The following HDGFL3 variants were observed in gnomAD, a reference collection of about 807,000 sequenced individuals.
The protein encoded by HDGFL3 is HDGF like 3, also known as hepatoma-derived growth factor-related protein 3.
HDGFL3 carries 6 observed loss-of-function variants against 27.6 expected under a neutral mutation model. The observed-to-expected ratio is 0.22, with a 90% CI of 0.12 to 0.43. The LOEUF is 0.43. Among genes scored for constraint, HDGFL3 ranks in the 20% least tolerant of loss-of-function variants. The pLI is 1.00. For synonymous variants in HDGFL3, 88 were observed against 88.9 expected, an observed-to-expected ratio of 0.99 and a Z score of 0.05; for missense variants, 207 against 250.1, an observed-to-expected ratio of 0.83 and a Z score of 1.16.
chr15:83,186,097 C>G (rs2037438032), intron 1 of HDGFL3: 1 of 152,226 alleles, frequency 6.6e-6, no homozygotes, highest in East Asian at 1.9e-4. Context: ...TGGATCTACT[C>G]TCTAGACAAG....
chr15:83,112,829 T>A, exon 4 of HDGFL3: 1 of 1,614,152 alleles, frequency 6.2e-7, no homozygotes, highest in Non-Finnish European at 8.5e-7. Context: ...GCTGCCCTCA[T>A]CCTGTTCCTG....
intron 4 of HDGFL3, among the ~76,000 whole-genome samples, chr15:83,151,585 C>T (rs2036964563): frequency 6.6e-6 from 1 of 152,152 alleles, no homozygotes; most frequent in African/African-American, 2.4e-5. Context: ...CAGAAGTGGG[C>T]TAGGTGACCT....
intron 5 of HDGFL3, among the ~76,000 whole-genome samples, chr15:83,145,664 C>T (rs2036874591): frequency 6.6e-6 from 1 of 152,156 alleles, no homozygotes; most frequent in African/African-American, 2.4e-5. Context: ...CATCTACAGA[C>T]TCCCTGGATT....
rs185309030 is a variant in HDGFL3 at position 83,135,343 on chromosome 15, T to C, written c.*3927A>G. Reference sequence around the variant, plus strand: ...TATGGAAGAAATGTAAAATAACTTATATGTATTTAAAGCAAATTATCTAGT... The same window carrying C: ...TATGGAAGAAATGTAAAATAACTTACATGTATTTAAAGCAAATTATCTAGT... On this transcript the variant is annotated 3_prime_UTR_variant, in exon 6 of 6. Coordinates refer to ENST00000299633, the MANE Select transcript of HDGFL3 (RefSeq NM_016073.4). 266 of 152,368 alleles carry C rather than the reference T, an allele frequency of 1.7e-3. 1 individual carries two copies. The highest frequency in any genetic ancestry group is 6.1e-3 in the African/African-American group (253 of 41,594). The allele number at this position is 152,368 out of a possible 1,614,324, so 9.4% of individuals were successfully genotyped here.
chr15:83,183,632 G>A (rs1231647357), intron 1 of HDGFL3, among the ~76,000 whole-genome samples: 4 of 152,024 alleles, frequency 2.6e-5, no homozygotes, highest in Admixed American at 6.6e-5. Flanking sequence ...GTGGTGGCAC[G>A]CACCTGTAAT....
At chr15:83,200,580 G>A (rs868584330) in intron 1 of HDGFL3, among the ~76,000 whole-genome samples, 1 of 152,130 alleles carries the variant, frequency 6.6e-6, no homozygotes. Flanking sequence ...TAACTTAATT[G>A]GAACTTAATT....
intron 2 of HDGFL3, among the ~76,000 whole-genome samples, chr15:83,160,023 A>G (rs2037078619): frequency 2.0e-5 from 3 of 152,226 alleles, no homozygotes; most frequent in African/African-American, 7.2e-5. Context: ...GAGACTAATT[A>G]GAAGGCTTCT....
chr15:83,186,874 T>C (rs1301505637), intron 1 of HDGFL3, among the ~76,000 whole-genome samples: 3 of 152,148 alleles, frequency 2.0e-5, no homozygotes, highest in African/African-American at 4.8e-5. Context: ...CCCATAAAGA[T>C]ATTGAAAAAT....
intron 1 of HDGFL3, among the ~76,000 whole-genome samples, chr15:83,196,530 A>G (rs1416297045): frequency 2.0e-5 from 3 of 152,120 alleles, no homozygotes; most frequent in Non-Finnish European, 2.9e-5. Flanking sequence ...AATGACTATA[A>G]AACACCAATT....
rs2036157823 is a variant in HDGFL3, at chr15:83,130,553, C to T, written c.*8717G>A. The T allele has an allele frequency of 6.6e-6, 1 of 152,264 alleles. No individual in the cohort carries two copies. Among genetic ancestry groups the T allele is most frequent in the African/African-American group, 2.4e-5 (1 of 41,462 alleles). 9.4% of individuals were successfully genotyped at this position (152,264 alleles called of 1,614,324 possible). On this transcript the variant is annotated 3_prime_UTR_variant, in exon 6 of 6. Transcript: ENST00000299633. ...CTGTAAATGTCAGAAGGATGTTTCTCCCAGCCCAGCAGGTGAAGACAGACT... is the reference window on the plus strand; with the variant it reads ...CTGTAAATGTCAGAAGGATGTTTCTTCCAGCCCAGCAGGTGAAGACAGACT...
Position 83,207,179 on chromosome 15 carries a change from G to A in HDGFL3, c.84+152C>T. ...GGAGCCCTTGCCTCAGCCCCGGCCC[G>A]GTCTTCTTCGTGCCGCGCCGCCCTC... On this transcript the variant is annotated intron_variant, in intron 1 of 5. Coordinates refer to ENST00000299633, the MANE Select transcript of HDGFL3 (RefSeq NM_016073.4). This position sits in a 1 kb window ranked among gnomAD's most constrained non-coding sequence, Gnocchi z 4.8. 2.2e-6 allele frequency: 1 copy of A among 451,058 alleles called. No homozygotes were observed. Among genetic ancestry groups the A allele is most frequent in the Non-Finnish European group, 3.6e-6 (1 of 276,294 alleles). The allele number at this position is 451,058 out of a possible 1,614,324, so 27.9% of individuals were successfully genotyped here.
Position 83,162,935 on chromosome 15 carries a change from A to G in HDGFL3, c.161+1064T>C, listed in dbSNP as rs1481704147. ...GTTCCTAGTGTGTCAAAGATTGCCA[A>G]CTATTCCACAGTATTCATGCTCTTC... On this transcript the variant is annotated intron_variant, in intron 2 of 5. Coordinates refer to ENST00000299633, the MANE Select transcript of HDGFL3 (RefSeq NM_016073.4). Among the ~76,000 whole-genome samples, 3 of 152,210 alleles carry G rather than the reference A, an allele frequency of 2.0e-5. No homozygotes were observed. The East Asian group carries it at 5.8e-4, about 29-fold the overall frequency.
intron 1 of HDGFL3, chr15:83,186,046 G>A (rs1373080743): frequency 1.3e-5 from 2 of 152,240 alleles, no homozygotes; most frequent in African/African-American, 4.8e-5. Flanking sequence ...AACCCATGAA[G>A]AACTGAATCC....
intron 5 of HDGFL3, among the ~76,000 whole-genome samples, chr15:83,143,778 C>T (rs1486129002): frequency 3.3e-5 from 5 of 152,094 alleles, no homozygotes; most frequent in African/African-American, 9.7e-5. Flanking sequence ...GTAGAAAGAA[C>T]GGGTTCAGGG....
At chr15:83,120,083 G>A (rs566088363) in intron 3 of HDGFL3, 8 of 190,790 alleles carry the variant, frequency 4.2e-5, no homozygotes, top group East Asian at 3.9e-4. Flanking sequence ...CTCGCACTAA[G>A]GCTTGGCTAC....
rs138396805 is a variant in HDGFL3, at chr15:83,161,565, T to A, written c.161+2434A>T. On this transcript the variant is annotated intron_variant, in intron 2 of 5. Coordinates refer to ENST00000299633, the MANE Select transcript of HDGFL3 (RefSeq NM_016073.4). ...CTTTATTTTTATCTTGTCCCACTTTTGGATGTATGAGATGGACGTCTTCCT... is the reference window on the plus strand; with the variant it reads ...CTTTATTTTTATCTTGTCCCACTTTAGGATGTATGAGATGGACGTCTTCCT... Among the ~76,000 whole-genome samples, 25 of 152,288 alleles carry A rather than the reference T, an allele frequency of 1.6e-4. No individual in the cohort carries two copies. The East Asian group carries it at 4.6e-3, about 28-fold the overall frequency.
intron 1 of HDGFL3, among the ~76,000 whole-genome samples, chr15:83,197,066 T>C (rs766499036): frequency 6.6e-6 from 1 of 152,218 alleles, no homozygotes; most frequent in South Asian, 2.1e-4. Context: ...TGATCCTTTG[T>C]AGTTAAATAA....
Position 83,136,823 on chromosome 15 carries a change from G to A in HDGFL3, c.*2447C>T. The A allele has an allele frequency of 1.9e-6, 1 of 524,058 alleles. No individual in the cohort carries two copies. The highest frequency in any genetic ancestry group is 3.1e-6 in the Non-Finnish European group (1 of 326,712). 32.5% of individuals were successfully genotyped at this position (524,058 alleles called of 1,614,324 possible). ...CTGTATGTGTGAGCTATATGGTATT[G>A]TGTAAATTTTTTTTGAAGGAAAATG... On this transcript the variant is annotated 3_prime_UTR_variant, in exon 6 of 6. Coordinates refer to ENST00000299633, the MANE Select transcript of HDGFL3 (RefSeq NM_016073.4).
intron 1 of HDGFL3, among the ~76,000 whole-genome samples, chr15:83,174,620 T>A (rs2037287752): frequency 6.6e-6 from 1 of 152,192 alleles, no homozygotes; most frequent in Non-Finnish European, 1.5e-5. Flanking sequence ...TATATTCACA[T>A]TACTGTGAAA....
Sources: gnomAD v4.1 joint callset for allele counts (sites outside exome capture counted in the v4.1 genomes callset) on GRCh38, gnomAD v4.1.1 for gene constraint, Gnocchi (gnomAD v3.1) non-coding constraint, MANE v1.5 for transcripts, NCBI Gene and HGNC (gene_info 2026-07-23, HGNC 2026-07-21) for gene names.